Variants in CCDC88C observed in about 807,000 individuals in gnomAD.
CCDC88C encodes coiled-coil and HOOK domain protein 88C.
A neutral mutation model predicts 198.8 loss-of-function variants in CCDC88C; 131 were observed. The ratio of observed to expected loss-of-function variants is 0.66; its 90% CI spans 0.57 to 0.76. The LOEUF (loss-of-function observed/expected upper bound fraction) is 0.76, where lower values mean the gene tolerates loss of function less well. Among genes scored for constraint, CCDC88C ranks in the 30% least tolerant of loss-of-function variants. The probability of loss-of-function intolerance (pLI) is 0.00; values close to 1 mark genes in which losing one functional copy is unlikely to be tolerated. For synonymous variants in CCDC88C, 1,166 were observed against 1,114.7 expected, an observed-to-expected ratio of 1.05 and a Z score of -0.92; for missense variants, 2,553 against 2,631.6, an observed-to-expected ratio of 0.97 and a Z score of 0.65.
At chr14:91,297,220 A>G in intron 22 of CCDC88C, 85 bp downstream of exon 22, 1 of 1,339,974 alleles carries the variant, frequency 7.5e-7, no homozygotes, top group Non-Finnish European at 1.0e-6. Flanking sequence ...GCCCATGAGG[A>G]CCCCTCACAG....
chr14:91,290,803 T>C (rs542879289), intron 24 of CCDC88C, among the ~76,000 whole-genome samples, 192 bp downstream of exon 24: 171 of 152,276 alleles, frequency 1.1e-3, no homozygotes, highest in African/African-American at 3.8e-3. Context: ...TCACCAGACA[T>C]TGGCCACCCC....
chr14:91,375,004 A>C (rs924236115), intron 3 of CCDC88C, among the ~76,000 whole-genome samples: 1 of 152,232 alleles, frequency 6.6e-6, no homozygotes. Flanking sequence ...TGTGGTATAC[A>C]ACATGCCGAG....
intron 12 of CCDC88C, among the ~76,000 whole-genome samples, chr14:91,324,449 G>T (rs558867602): frequency 6.6e-6 from 1 of 152,254 alleles, no homozygotes; most frequent in East Asian, 1.9e-4. Context: ...CTGCCATCCA[G>T]GGCTTTCAGC....
chr14:91,338,167 C>A lies in CCDC88C; in HGVS notation c.892-4G>T. The A allele has an allele frequency of 6.2e-7, 1 of 1,613,082 alleles. No homozygotes were observed. Among genetic ancestry groups the A allele is most frequent in the Non-Finnish European group, 8.5e-7 (1 of 1,179,292 alleles). On this transcript the variant is annotated splice_polypyrimidine_tract_variant and splice_region_variant and intron_variant, in intron 9 of 29. Coordinates refer to ENST00000389857, the MANE Select transcript of CCDC88C (RefSeq NM_001080414.4). The surrounding 1 kb of genome is among the most constrained non-coding windows in gnomAD (Gnocchi z 4.8). ...CGTCTGCCGCTAGCTGGATGTTCTG[C>A]AAGGTGGACAAAGGCAGGAGAACCT...
At chr14:91,380,850 C>T (rs1436696824) in intron 3 of CCDC88C, among the ~76,000 whole-genome samples, 3 of 152,156 alleles carry the variant, frequency 2.0e-5, no homozygotes, top group African/African-American at 4.8e-5. Context: ...TTTGCACGCC[C>T]CGTATCCTCC....
chr14:91,401,589 C>A (rs1596163601), intron 3 of CCDC88C, among the ~76,000 whole-genome samples: 1 of 151,900 alleles, frequency 6.6e-6, no homozygotes. Flanking sequence ...TCTGCCTTGG[C>A]CTCCCAAAGT....
rs561846677 is a variant in CCDC88C, at chr14:91,326,373, C to T, written c.1051-317G>A. Among the ~76,000 whole-genome samples, 399 of 152,240 alleles carry T rather than the reference C, an allele frequency of 2.6e-3. 2 individuals carry two copies. The highest frequency in any genetic ancestry group is 8.9e-3 in the African/African-American group (371 of 41,532). On this transcript the variant is annotated intron_variant, in intron 10 of 29. Coordinates refer to ENST00000389857, the MANE Select transcript of CCDC88C (RefSeq NM_001080414.4). ...AATTACAGGCGCCTGCTATCGCGCC[C>T]GGCTAATTTTTGTATCTTTAGTAGA...
At chr14:91,287,441 C>T (rs867804435) in intron 25 of CCDC88C, among the ~76,000 whole-genome samples, 1 of 152,108 alleles carries the variant, frequency 6.6e-6, no homozygotes, top group African/African-American at 2.4e-5. Context: ...GCCACGACCT[C>T]CTGGGCTCAA....
chr14:91,324,778 C>T lies in CCDC88C; in HGVS notation c.1342+1G>A. ...GCTCCCCGGCACCAGGCGCTACCTACCGTCTGACAAGTCTGCGTTCTTGGA... is the reference window on the plus strand; with the variant it reads ...GCTCCCCGGCACCAGGCGCTACCTATCGTCTGACAAGTCTGCGTTCTTGGA... On this transcript the variant is annotated splice_donor_variant, in intron 12 of 29. Transcript: ENST00000389857. LOFTEE classifies it high-confidence loss of function. 6.2e-7 allele frequency: 1 copy of T among 1,610,320 alleles called. No homozygotes were observed. The highest frequency in any genetic ancestry group is 8.5e-7 in the Non-Finnish European group (1 of 1,179,854).
At chr14:91,365,168 T>TCCCTCAA (rs1555425657) in intron 3 of CCDC88C, among the ~76,000 whole-genome samples, 6 of 149,364 alleles carry the variant, frequency 4.0e-5, no homozygotes, top group Non-Finnish European at 8.9e-5. Context: ...CTCCTCCAAC[T>TCCCTCAA]CCCTCACCCC....
At chr14:91,407,193 C>A (rs1330480309) in intron 3 of CCDC88C, among the ~76,000 whole-genome samples, 1 of 152,210 alleles carries the variant, frequency 6.6e-6, no homozygotes, top group Admixed American at 6.5e-5. Flanking sequence ...GAAACAGAAG[C>A]AACCACAGCC....
At chr14:91,323,128 A>C (rs1596070503) in intron 12 of CCDC88C, among the ~76,000 whole-genome samples, 1 of 150,588 alleles carries the variant, frequency 6.6e-6, no homozygotes, top group African/African-American at 2.4e-5. Context: ...CTGGTCTTGA[A>C]CTCCTGACCT....
chr14:91,360,877 C>T (rs1206876680), intron 3 of CCDC88C, among the ~76,000 whole-genome samples: 1 of 152,062 alleles, frequency 6.6e-6, no homozygotes, highest in Non-Finnish European at 1.5e-5. Context: ...TCTGGTGGGG[C>T]ACGGTGGACA....
chr14:91,391,178 G>C (rs576865760), intron 3 of CCDC88C, among the ~76,000 whole-genome samples: 14 of 152,152 alleles, frequency 9.2e-5, no homozygotes, highest in African/African-American at 3.4e-4. Context: ...GCTGGACCCA[G>C]GGAATGCAGA....
Position 91,309,960 on chromosome 14 carries a change from G to A in CCDC88C, c.2763C>T (p.Ser921=), listed in dbSNP as rs1035279203. ...REDLVLEKLK[S]QQLSSELDKL... ...TGTCCAGCTCACTGCTGAGCTGCTG[G>A]CTCTTCAGCTTCTCGAGCACCAGGT... The change falls in exon 16 of 30, where the codon AGC becomes AGT. Residue 921 remains serine, a synonymous_variant. Transcript: ENST00000389857. 2 of 1,601,534 alleles carry A rather than the reference G, an allele frequency of 1.2e-6. No homozygotes were observed. Among genetic ancestry groups the A allele is most frequent in the Non-Finnish European group, 1.7e-6 (2 of 1,174,114 alleles).
Position 91,371,254 on chromosome 14 carries a change from T to A in CCDC88C, c.271-11543A>T, listed in dbSNP as rs77432303. Among the ~76,000 whole-genome samples the A allele has an allele frequency of 1.3e-5, 2 of 152,006 alleles. No individual in the cohort carries two copies. Among genetic ancestry groups the A allele is most frequent in the South Asian group, 2.1e-4 (1 of 4,800 alleles). On this transcript the variant is annotated intron_variant, in intron 3 of 29. Transcript: ENST00000389857. This position sits in a 1 kb window ranked among gnomAD's most constrained non-coding sequence, Gnocchi z 4.2. ...ATGGTGGTAGAGTACTTTTTTTTTT[T>A]AAGCTTCTTGGCAAAGTCAGTATTT... is the stretch of plus-strand genomic sequence containing the variant.
At chr14:91,409,978 A>C (rs1886715146) in intron 2 of CCDC88C, among the ~76,000 whole-genome samples, 1 of 152,212 alleles carries the variant, frequency 6.6e-6, no homozygotes, top group Admixed American at 6.5e-5. Context: ...TGCACCCTGT[A>C]AGAAATGCTA....
intron 14 of CCDC88C, 88 bp downstream of exon 14, chr14:91,315,562 C>A: frequency 6.9e-7 from 1 of 1,439,894 alleles, no homozygotes; most frequent in South Asian, 1.2e-5. Context: ...CATGCATCCA[C>A]AATACAGTAC....
At chr14:91,295,728 C>T (rs534060947) in intron 22 of CCDC88C, among the ~76,000 whole-genome samples, 13 of 152,300 alleles carry the variant, frequency 8.5e-5, no homozygotes, top group African/African-American at 1.7e-4. Context: ...CTCATCACTT[C>T]GCTTATGCTG....
Sources: gnomAD v4.1 joint callset for allele counts (sites outside exome capture counted in the v4.1 genomes callset) on GRCh38, gnomAD v4.1.1 for gene constraint, Gnocchi (gnomAD v3.1) non-coding constraint, MANE v1.5 for transcripts, NCBI Gene and HGNC (gene_info 2026-07-23, HGNC 2026-07-21) for gene names.